Variants in MARCO observed in about 807,000 individuals in gnomAD.
The protein encoded by MARCO is macrophage receptor with collagenous structure.
A neutral mutation model predicts 70.0 loss-of-function variants in MARCO; 72 were observed. That is an observed-to-expected ratio of 1.03 (90% CI 0.85 to 1.25). The LOEUF (loss-of-function observed/expected upper bound fraction) is 1.25. MARCO is among the 50% of genes most tolerant of loss of function. The probability of loss-of-function intolerance (pLI) is 0.00; values close to 1 mark genes in which losing one functional copy is unlikely to be tolerated. For missense variants in MARCO, 696 were observed against 659.3 expected, an observed-to-expected ratio of 1.06 and a Z score of -0.61; for synonymous variants, 273 against 243.1, an observed-to-expected ratio of 1.12 and a Z score of -1.14.
intron 1 of MARCO, among the ~76,000 whole-genome samples, chr2:118,961,322 A>G (rs1199457897): frequency 2.6e-5 from 4 of 152,224 alleles, no homozygotes; most frequent in African/African-American, 9.6e-5. Context: ...GAACTAATTT[A>G]CATTCCCACC....
At chr2:118,993,359 G>A (rs1018657651) in intron 16 of MARCO, 59 bp downstream of exon 16, 22 of 1,542,332 alleles carry the variant, frequency 1.4e-5, no homozygotes, top group South Asian at 9.1e-5. Flanking sequence ...GCTTTCTCTC[G>A]CTGGTGGGGT....
chr2:118,985,903 T>C (rs574611938), intron 12 of MARCO, among the ~76,000 whole-genome samples: 50 of 152,314 alleles, frequency 3.3e-4, no homozygotes, highest in African/African-American at 1.2e-3. Context: ...TATTTTCCTC[T>C]TGGGGCAAAA....
chr2:118,956,340 A>T lies in MARCO; in HGVS notation c.98-12820A>T, dbSNP rs1679837392. 5.9e-5 allele frequency among the ~76,000 whole-genome samples: 9 copies of T among 152,184 alleles called. 1 individual carries two copies. The highest frequency in any genetic ancestry group is 4.6e-4 in the Admixed American group (7 of 15,268). ...GGACACCAAAAGTGAGCAGGGGTAG[A>T]TATTCTTATATCAGACAAAACAATC... is the stretch of plus-strand genomic sequence containing the variant. On this transcript the variant is annotated intron_variant, in intron 1 of 16. Transcript: ENST00000327097.
Position 118,950,714 on chromosome 2 carries a change from C to T in MARCO, c.97+8317C>T, listed in dbSNP as rs114063093. Among the ~76,000 whole-genome samples, 725 of 152,276 alleles carry T rather than the reference C, an allele frequency of 4.8e-3. 9 individuals carry two copies. The highest frequency in any genetic ancestry group is 0.038 in the South Asian group (181 of 4,824). On this transcript the variant is annotated intron_variant, in intron 1 of 16. Transcript: ENST00000327097. ...CAACTTTCTGAGTTGTTGCTAACATCGCTTTCTTTAAACAACCAGTTAATT... is the reference window on the plus strand; with the variant it reads ...CAACTTTCTGAGTTGTTGCTAACATTGCTTTCTTTAAACAACCAGTTAATT...
At chr2:118,970,699 G>A (rs982227299) in intron 3 of MARCO, among the ~76,000 whole-genome samples, 2 of 152,182 alleles carry the variant, frequency 1.3e-5, no homozygotes, top group Admixed American at 6.5e-5. Context: ...TGGTGACTTG[G>A]GTGGTAGGGC....
intron 13 of MARCO, 102 bp from the exon 14 acceptor site, chr2:118,991,675 C>G: frequency 3.1e-6 from 2 of 641,792 alleles, no homozygotes; most frequent in Non-Finnish European, 5.3e-6. Context: ...TGGGGGAGGT[C>G]TGGCAGTTAA....
intron 1 of MARCO, chr2:118,949,664 C>T (rs1030042526): frequency 3.3e-5 from 5 of 152,030 alleles, no homozygotes; most frequent in East Asian, 1.9e-4. Context: ...ACTAAGCTTT[C>T]CTTAGCTTTA....
intron 3 of MARCO, among the ~76,000 whole-genome samples, chr2:118,971,007 C>T (rs1680157555): frequency 6.6e-6 from 1 of 152,198 alleles, no homozygotes. Flanking sequence ...GTACGCCCAG[C>T]ACGGGACCCA....
chr2:118,990,049 G>A (rs1253427170), intron 12 of MARCO, among the ~76,000 whole-genome samples: 2 of 152,116 alleles, frequency 1.3e-5, no homozygotes, highest in Non-Finnish European at 2.9e-5. Context: ...AATGACTGTG[G>A]TTATTATTTT....
intron 1 of MARCO, among the ~76,000 whole-genome samples, chr2:118,957,610 A>C (rs544907321): frequency 1.1e-4 from 17 of 152,128 alleles, no homozygotes; most frequent in Non-Finnish European, 2.1e-4. Context: ...TCCTTTTGAC[A>C]CTATTCCACA....
chr2:118,954,908 A>G (rs1272025247), intron 1 of MARCO, among the ~76,000 whole-genome samples: 2 of 152,160 alleles, frequency 1.3e-5, no homozygotes, highest in Non-Finnish European at 2.9e-5. Context: ...GGACAAAAAA[A>G]TCTGAACAGC....
intron 12 of MARCO, among the ~76,000 whole-genome samples, chr2:118,987,965 G>A (rs189270223): frequency 6.6e-6 from 1 of 152,314 alleles, no homozygotes; most frequent in Admixed American, 6.5e-5. Flanking sequence ...GTGCCTTCAG[G>A]GAACATTGGG....
At chr2:118,976,959 G>A (rs1338931271) in intron 6 of MARCO, among the ~76,000 whole-genome samples, 1 of 152,192 alleles carries the variant, frequency 6.6e-6, no homozygotes, top group Non-Finnish European at 1.5e-5. Context: ...TCTGCAGGCT[G>A]GGAAGTTCAA....
rs182849654 is a variant in MARCO, at chr2:118,993,814, G to A, written c.1429+514G>A. On this transcript the variant is annotated intron_variant, in intron 16 of 16. Transcript: ENST00000327097. ...ACTAAAATGTGTGGAAAATGTCTTC[G>A]GATGCTGGAGACTCAGCCTATATCT... is the stretch of plus-strand genomic sequence containing the variant. Among the ~76,000 whole-genome samples, 37 of 152,298 alleles carry A rather than the reference G, an allele frequency of 2.4e-4. No homozygotes were observed. In the East Asian group the frequency reaches 6.0e-3, roughly 25 times the overall value.
rs1558671586 is a variant in MARCO, at chr2:118,986,648, AGAAAGAAGGAAGGAAG to A, written c.1064-3937_1064-3922del. Among the ~76,000 whole-genome samples, 12 of 39,304 alleles carry A rather than the reference AGAAAGAAGGAAGGAAG, an allele frequency of 3.1e-4. 1 individual carries two copies. The highest frequency in any genetic ancestry group is 1.8e-3 in the African/African-American group (10 of 5,486). 25.8% of individuals were successfully genotyped at this position (39,304 alleles called of 152,430 possible). A position where few individuals can be genotyped will look rare whatever the true frequency, so the allele number is the denominator to read the frequency against. On this transcript the variant is annotated intron_variant, in intron 12 of 16. Transcript: ENST00000327097. ...AAGAAAGAAAGAAAGAAAGAAAGAA[AGAAAGAAGGAAGGAAG>A]GAAGGAAGGAAAGAAAGAAAGAAAG...
chr2:118,988,195 G>A (rs1355799472), intron 12 of MARCO, among the ~76,000 whole-genome samples: 1 of 152,152 alleles, frequency 6.6e-6, no homozygotes, highest in Admixed American at 6.5e-5. Context: ...GTCCCCTGGA[G>A]GTGAGGAGCT....
intron 3 of MARCO, among the ~76,000 whole-genome samples, chr2:118,970,821 G>A (rs1194043571): frequency 2.6e-5 from 4 of 152,196 alleles, no homozygotes; most frequent in African/African-American, 7.2e-5. Flanking sequence ...GCCCCAAAAT[G>A]GGAAGAGCCT....
intron 1 of MARCO, chr2:118,949,495 G>A (rs1199122322): frequency 1.3e-5 from 2 of 152,176 alleles, no homozygotes; most frequent in African/African-American, 4.8e-5. Flanking sequence ...GGAGGTAGAG[G>A]AGGGAGAACA....
At chr2:118,946,901 T>G (rs1363170821) in intron 1 of MARCO, among the ~76,000 whole-genome samples, 1 of 152,242 alleles carries the variant, frequency 6.6e-6, no homozygotes, top group Non-Finnish European at 1.5e-5. Context: ...AATTTACATT[T>G]TCCTAATGGC....
Sources: allele counts gnomAD v4.1 joint callset (sites outside exome capture counted in the v4.1 genomes callset), GRCh38; gene constraint gnomAD v4.1.1; transcripts MANE v1.5; gene names NCBI Gene and HGNC (gene_info 2026-07-23, HGNC 2026-07-21).